ELFN1: variants seen among roughly 807,000 people sequenced by gnomAD.
ELFN1 encodes extracellular leucine rich repeat and fibronectin type III domain containing 1, also known as protein ELFN1.
A neutral mutation model predicts 7.6 loss-of-function variants in ELFN1; 6 were observed. That is an observed-to-expected ratio of 0.79 (90% CI 0.43 to 1.56). The LOEUF (loss-of-function observed/expected upper bound fraction) is 1.56, where lower values mean the gene tolerates loss of function less well. Ranked by LOEUF, ELFN1 falls within the 40% of genes most tolerant of loss-of-function variation. The pLI, the probability that ELFN1 is intolerant of heterozygous loss-of-function variation, is 0.01. For missense variants in ELFN1, 1,169 were observed against 1,232.2 expected (o/e 0.95, Z 0.77); for synonymous variants, 657 against 588.1 (o/e 1.12, Z -1.70).
chr7:1,683,459 G>C (rs1275548271), intron 1 of ELFN1, among the ~76,000 whole-genome samples: 1 of 152,098 alleles, frequency 6.6e-6, no homozygotes, highest in African/African-American at 2.4e-5. Context: ...TAATCTGTTG[G>C]TGTAAAGTTG....
At chr7:1,711,901 C>T (rs923886779) in intron 3 of ELFN1, among the ~76,000 whole-genome samples, 6 of 152,214 alleles carry the variant, frequency 3.9e-5, no homozygotes, top group African/African-American at 1.2e-4. Context: ...AGCCCAGGAA[C>T]CCCCTGGCCT....
intron 2 of ELFN1, chr7:1,693,302 G>A (rs1258381127): frequency 1.1e-5 from 5 of 456,486 alleles, no homozygotes; most frequent in East Asian, 7.1e-5. Flanking sequence ...AACGCCCATC[G>A]GGGCAGCCTC....
chr7:1,733,234 G>A (rs1434668229), intron 3 of ELFN1, among the ~76,000 whole-genome samples: 1 of 152,180 alleles, frequency 6.6e-6, no homozygotes, highest in African/African-American at 2.4e-5. Context: ...GCCAGATCCA[G>A]CTGAGGTTCC....
chr7:1,668,257 C>T (rs542654076), upstream of ELFN1, among the ~76,000 whole-genome samples: 21 of 152,358 alleles, frequency 1.4e-4, no homozygotes, highest in African/African-American at 4.1e-4. Flanking sequence ...GTTTGCACCC[C>T]GAGGAAATGG....
chr7:1,680,121 G>A (rs1431251010), intron 1 of ELFN1, among the ~76,000 whole-genome samples: 3 of 152,220 alleles, frequency 2.0e-5, no homozygotes, highest in Non-Finnish European at 4.4e-5. Flanking sequence ...GCTGGGCTCC[G>A]TGGTCTGGAT....
rs368041276 is a variant in ELFN1 at position 1,678,373 on chromosome 7, C to A, written c.-549+8019C>A. Among the ~76,000 whole-genome samples, 439 of 152,338 alleles carry A rather than the reference C, an allele frequency of 2.9e-3. 1 individual carries two copies. The highest frequency in any genetic ancestry group is 7.8e-3 in the Admixed American group (120 of 15,312). ...GCTCAGAGCAGCTCTCCCGCCCCAC[C>A]CTGCGGCCCTGCATGTCAGTTGTGG... On this transcript the variant is annotated intron_variant, in intron 1 of 3. Transcript: ENST00000424383.
chr7:1,716,634 G>A (rs1163609781), intron 3 of ELFN1, among the ~76,000 whole-genome samples: 4 of 152,210 alleles, frequency 2.6e-5, no homozygotes, highest in Non-Finnish European at 5.9e-5. Flanking sequence ...TACGTGTCAC[G>A]TGATGACCCC....
At chr7:1,693,280 G>C (rs1029724505) in intron 2 of ELFN1, 7 of 451,634 alleles carry the variant, frequency 1.5e-5, no homozygotes, top group Admixed American at 2.4e-5. Flanking sequence ...GGATGTACTG[G>C]CTGGGGAAAG....
chr7:1,704,565 G>A (rs1420205276), intron 2 of ELFN1, among the ~76,000 whole-genome samples: 1 of 151,962 alleles, frequency 6.6e-6, no homozygotes, highest in Non-Finnish European at 1.5e-5. Flanking sequence ...CACCCCAGGA[G>A]GCTCCACCTA....
At chr7:1,711,235 G>A (rs1490207653) in intron 3 of ELFN1, among the ~76,000 whole-genome samples, 1 of 152,248 alleles carries the variant, frequency 6.6e-6, no homozygotes, top group Non-Finnish European at 1.5e-5. Flanking sequence ...CCAGAGTGGA[G>A]TGATGTCCTC....
At chr7:1,733,927 C>A (rs963617881) in intron 3 of ELFN1, among the ~76,000 whole-genome samples, 2 of 152,108 alleles carry the variant, frequency 1.3e-5, no homozygotes, top group Non-Finnish European at 2.9e-5. Context: ...TGTTCTACCA[C>A]TAGGCTGTGA....
At chr7:1,679,973 G>A (rs1778944797) in intron 1 of ELFN1, among the ~76,000 whole-genome samples, 1 of 152,252 alleles carries the variant, frequency 6.6e-6, no homozygotes, top group African/African-American at 2.4e-5. Context: ...GGGGGCGCGT[G>A]TGCCCCTGAG....
rs1472670242 is a variant in ELFN1 at position 1,705,609 on chromosome 7, G to A, written c.-455-3482G>A. Among the ~76,000 whole-genome samples, 3 of 152,232 alleles carry A rather than the reference G, an allele frequency of 2.0e-5. No homozygotes were observed. Among genetic ancestry groups the A allele is most frequent in the South Asian group, 2.1e-4 (1 of 4,834 alleles). ...CATGCACCTGTGTGATCAGCCACTC[G>A]GAGCCTCAATTTACCCTCGCCTCTG... On this transcript the variant is annotated intron_variant, in intron 2 of 3. Coordinates refer to ENST00000424383, the MANE Select transcript of ELFN1 (RefSeq NM_001128636.4). This position sits in a 1 kb window ranked among gnomAD's most constrained non-coding sequence, Gnocchi z 4.3.
At chr7:1,711,284 G>T (rs906130316) in intron 3 of ELFN1, among the ~76,000 whole-genome samples, 1 of 152,180 alleles carries the variant, frequency 6.6e-6, no homozygotes, top group African/African-American at 2.4e-5. Flanking sequence ...TCTGTCGGTT[G>T]GCCTAGAAAG....
Position 1,747,012 on chromosome 7 carries a change from T to G in ELFN1, c.2416T>G (p.Phe806Val), listed in dbSNP as rs1378654441. ...AGHALRKKVQ[F>V]AKDEDLHDIL... ...CCATGCCCTGCGCAAGAAGGTTCAG[T>G]TCGCCAAAGACGAGGATCTGCACGA... Residue 806 changes from phenylalanine to valine, a missense_variant, in exon 4 of 4, where the codon TTC becomes GTC. By Grantham distance (50) the Phe-to-Val change is conservative. Transcript: ENST00000424383. 1 of 1,564,700 alleles carries G rather than the reference T, an allele frequency of 6.4e-7. No individual in the cohort carries two copies. The highest frequency in any genetic ancestry group is 8.7e-7 in the Non-Finnish European group (1 of 1,155,694).
At chr7:1,721,950 T>G (rs1780035433) in intron 3 of ELFN1, among the ~76,000 whole-genome samples, 1 of 152,218 alleles carries the variant, frequency 6.6e-6, no homozygotes, top group Non-Finnish European at 1.5e-5. Flanking sequence ...GCCCCTGGCT[T>G]ACGGCTCCCA....
chr7:1,684,324 G>A (rs1779025097), intron 1 of ELFN1, among the ~76,000 whole-genome samples: 1 of 152,008 alleles, frequency 6.6e-6, no homozygotes, highest in African/African-American at 2.4e-5. Flanking sequence ...ATATATTTGG[G>A]TTGTTTCCAC....
At chr7:1,736,475 G>A (rs1011336432) in intron 3 of ELFN1, among the ~76,000 whole-genome samples, 1 of 152,232 alleles carries the variant, frequency 6.6e-6, no homozygotes, top group East Asian at 1.9e-4. Flanking sequence ...TGCAAATTCA[G>A]TCGTAAGAAG....
At chr7:1,706,973 T>C (rs548417933) in intron 2 of ELFN1, among the ~76,000 whole-genome samples, 2 of 152,136 alleles carry the variant, frequency 1.3e-5, no homozygotes, top group South Asian at 4.1e-4. Context: ...TGTGTGCGCA[T>C]GCATGAGTTC....
Sources: allele counts gnomAD v4.1 joint callset (sites outside exome capture counted in the v4.1 genomes callset), GRCh38; gene constraint gnomAD v4.1.1; non-coding constraint Gnocchi (gnomAD v3.1); transcripts MANE v1.5; gene names NCBI Gene and HGNC (gene_info 2026-07-23, HGNC 2026-07-21).